ITGB1: variants seen among roughly 807,000 people sequenced by gnomAD.
ITGB1 encodes integrin subunit beta 1, also known as integrin beta-1.
In ITGB1, 24 loss-of-function variants were observed where a neutral mutation model predicts 86.5. That is an observed-to-expected ratio of 0.28 (90% CI 0.20 to 0.39). The LOEUF (loss-of-function observed/expected upper bound fraction) is 0.39, where lower values mean the gene tolerates loss of function less well. ITGB1 is among the 10% of genes least tolerant of loss of function. ITGB1 has a pLI of 1.00. For synonymous variants in ITGB1, 323 were observed against 316.8 expected (o/e 1.02, Z -0.21); for missense variants, 556 against 946.9 (o/e 0.59, Z 5.42).
At chr10:32,954,098 A>G (rs562214524) in intron 1 of ITGB1, among the ~76,000 whole-genome samples, 1 of 152,160 alleles carries the variant, frequency 6.6e-6, no homozygotes, top group Non-Finnish European at 1.5e-5. Flanking sequence ...TTCAACCAGC[A>G]ATAGACTAAG....
Position 32,951,050 on chromosome 10 carries a change from G to A in ITGB1, c.-1+7095C>T, listed in dbSNP as rs186309576. 1.5e-3 allele frequency among the ~76,000 whole-genome samples: 229 copies of A among 152,214 alleles called. 1 individual carries two copies. Among genetic ancestry groups the A allele is most frequent in the Middle Eastern group, 0.01 (3 of 294 alleles). ...CTAAAGATAATACGTTGGGGGTAGG[G>A]GGAGGTAAAGCCTGGAAACTTAACA... On this transcript the variant is annotated intron_variant, in intron 1 of 15. Transcript: ENST00000302278.
At chr10:32,947,432 C>CGTGTGTGTGTGTGTGTGT (rs1186872641) in intron 1 of ITGB1, among the ~76,000 whole-genome samples, 2,169 of 137,330 alleles carry the variant, frequency 0.016, 51 homozygotes, top group South Asian at 0.038. Flanking sequence ...CACATATAGC[C>CGTGTGTGTGTGTGTGTGT]GTGTGTGTGT....
intron 1 of ITGB1, chr10:32,957,820 C>T (rs900803963): frequency 2.0e-5 from 3 of 152,206 alleles, no homozygotes; most frequent in Non-Finnish European, 4.4e-5. Flanking sequence ...CCCGGTCCCC[C>T]GCAGCTCCGG....
chr10:32,910,851 G>A (rs1381754506), intron 13 of ITGB1, among the ~76,000 whole-genome samples: 4 of 151,966 alleles, frequency 2.6e-5, no homozygotes, highest in South Asian at 2.1e-4. Flanking sequence ...GTTCAAGCAA[G>A]CCTCAACCTC....
rs375565127 is a variant in ITGB1 at position 32,920,091 on chromosome 10, G to A, written c.1270-7C>T. On this transcript the variant is annotated splice_region_variant and splice_polypyrimidine_tract_variant and intron_variant, in intron 10 of 15. Coordinates refer to ENST00000302278, the MANE Select transcript of ITGB1 (RefSeq NM_002211.4). The stretch of plus-strand genomic sequence containing the variant: ...TGCTAATTTCAAATTGAACCTTGAA[G>A]GGAAAAAAAAGATTAACAACCAACT... 24 of 1,607,456 alleles carry A rather than the reference G, an allele frequency of 1.5e-5. No individual in the cohort carries two copies. Among genetic ancestry groups the A allele is most frequent in the Admixed American group, 3.4e-5 (2 of 59,118 alleles).
Position 32,945,965 on chromosome 10 carries a change from AATAC to A in ITGB1, c.1-10411_1-10408del, listed in dbSNP as rs575177982. On this transcript the variant is annotated intron_variant, in intron 1 of 15. Transcript: ENST00000302278. ...ACTTTAAGATGACTCTTCTTTTGAA[AATAC>A]ATATGTATTGAGGGTTATAATTTTT... is the stretch of plus-strand genomic sequence containing the variant. 7.0e-4 allele frequency among the ~76,000 whole-genome samples: 107 copies of A among 152,352 alleles called. 1 individual carries two copies. The highest frequency in any genetic ancestry group is 2.5e-3 in the African/African-American group (102 of 41,576).
chr10:32,923,693 T>C lies in ITGB1; in HGVS notation c.834A>G (p.Thr278=). 6.2e-7 allele frequency: 1 copy of C among 1,613,944 alleles called. No homozygotes were observed. The highest frequency in any genetic ancestry group is 1.1e-5 in the South Asian group (1 of 91,042). ...CTCCAGCAAAGTGAAACCCGGCATCTGTGGAAAACACCAGCAGCCGTGTAA... is the reference window on the plus strand; with the variant it reads ...CTCCAGCAAAGTGAAACCCGGCATCCGTGGAAAACACCAGCAGCCGTGTAA... ...RNVTRLLVFS[T]DAGFHFAGDG... Residue 278 remains threonine, a synonymous_variant, in exon 7 of 16, where the codon ACA becomes ACG. Transcript: ENST00000302278.
chr10:32,919,704 A>T (rs1045965154), intron 11 of ITGB1, among the ~76,000 whole-genome samples, 181 bp downstream of exon 11: 4 of 152,152 alleles, frequency 2.6e-5, no homozygotes, highest in Non-Finnish European at 4.4e-5. Context: ...AAAAGGCAGG[A>T]AGGAACTTTC....
rs764506216 is a variant in ITGB1, at chr10:32,908,363, C to A, written c.2331+5G>T. The A allele has an allele frequency of 6.2e-7, 1 of 1,613,830 alleles. No individual in the cohort carries two copies. Among genetic ancestry groups the A allele is most frequent in the Non-Finnish European group, 8.5e-7 (1 of 1,179,766 alleles). ...ACTTTGCTTTTTGGATGTTTTGTAA[C>A]TTACCGTGTCCCATTTGGCATTCAT... On this transcript the variant is annotated splice_donor_5th_base_variant and intron_variant, in intron 15 of 15. Transcript: ENST00000302278.
intron 3 of ITGB1, among the ~76,000 whole-genome samples, chr10:32,932,231 T>G (rs1469247930): frequency 6.6e-6 from 1 of 152,130 alleles, no homozygotes; most frequent in African/African-American, 2.4e-5. Flanking sequence ...ATAACATTAT[T>G]TTTAAATATA....
At chr10:32,944,127 G>A (rs2095025597) in intron 1 of ITGB1, among the ~76,000 whole-genome samples, 1 of 152,206 alleles carries the variant, frequency 6.6e-6, no homozygotes, top group Non-Finnish European at 1.5e-5. Context: ...AGCCAGGAGT[G>A]AGCCACCGAC....
intron 1 of ITGB1, among the ~76,000 whole-genome samples, chr10:32,939,955 T>G (rs1421689842): frequency 6.6e-6 from 1 of 152,220 alleles, no homozygotes. Flanking sequence ...CATGGAGCTG[T>G]CATCTCCTAA....
intron 1 of ITGB1, among the ~76,000 whole-genome samples, chr10:32,940,409 T>A (rs761913938): frequency 6.6e-6 from 1 of 152,172 alleles, no homozygotes; most frequent in Non-Finnish European, 1.5e-5. Context: ...TAGTTGTTTA[T>A]TATCAAGTAT....
intron 2 of ITGB1, 149 bp from the exon 3 acceptor site, chr10:32,932,749 G>T (rs1366243224): frequency 1.8e-6 from 1 of 553,526 alleles, no homozygotes; most frequent in South Asian, 2.1e-5. Context: ...TCCCCAAAGA[G>T]AGCAGGATTT....
intron 11 of ITGB1, among the ~76,000 whole-genome samples, chr10:32,912,408 C>T (rs1243933756): frequency 6.6e-6 from 1 of 152,226 alleles, no homozygotes; most frequent in African/African-American, 2.4e-5. Flanking sequence ...GAAGCTGTGA[C>T]AGACGGTACC....
chr10:32,926,735 T>C (rs1282169885), intron 5 of ITGB1, among the ~76,000 whole-genome samples: 2 of 150,672 alleles, frequency 1.3e-5, no homozygotes, highest in African/African-American at 2.5e-5. Flanking sequence ...TATGTCTTTA[T>C]AGCAACGTAA....
At chr10:32,923,765 T>A in intron 6 of ITGB1, 25 bp from the exon 7 acceptor site, 1 of 1,597,306 alleles carries the variant, frequency 6.3e-7, no homozygotes, top group Non-Finnish European at 8.5e-7. Context: ...GATTTCAATT[T>A]TAAAACACTA....
In ITGB1 at chr10:32,920,313, A is replaced by G; in HGVS notation, c.1201T>C (p.Cys401Arg). ...EGVTISYKSY[C>R]KNGVNGTGEN... ...CCTGTTCCATTCACCCCGTTCTTGC[A>G]GTAAGATTTGTAACTTATTGTTACG... is the stretch of plus-strand genomic sequence containing the variant. Residue 401 changes from cysteine to arginine, a missense_variant, in exon 10 of 16, where the codon TGC becomes CGC. Transcript: ENST00000302278. 6.2e-7 allele frequency: 1 copy of G among 1,613,452 alleles called. No individual in the cohort carries two copies. The highest frequency in any genetic ancestry group is 1.1e-5 in the South Asian group (1 of 91,066).
At position 32,926,004 on chromosome 10, in the gene ITGB1, C is replaced by G; in HGVS notation, c.653G>C (p.Ser218Thr). Reference sequence around the variant, plus strand: ...AGTAAGACTGAGCACATTTTTGTAGCTAAATGGGCTGGTGCAGTTCTGTTC... The same window carrying G: ...AGTAAGACTGAGCACATTTTTGTAGGTAAATGGGCTGGTGCAGTTCTGTTC... The part of the protein sequence containing the change: ...TSEQNCTSPF[S>T]YKNVLSLTNK... The change falls in exon 6 of 16, where the codon AGC becomes ACC. Residue 218 changes from serine to threonine, a missense_variant. By Grantham distance (58) the Ser-to-Thr change is moderately conservative. Coordinates refer to ENST00000302278, the MANE Select transcript of ITGB1 (RefSeq NM_002211.4). 6.2e-7 allele frequency: 1 copy of G among 1,613,920 alleles called. No homozygotes were observed. Among genetic ancestry groups the G allele is most frequent in the Non-Finnish European group, 8.5e-7 (1 of 1,179,826 alleles).
Sources: gnomAD v4.1 joint callset for allele counts (sites outside exome capture counted in the v4.1 genomes callset) on GRCh38, gnomAD v4.1.1 for gene constraint, MANE v1.5 for transcripts, NCBI Gene and HGNC (gene_info 2026-07-23, HGNC 2026-07-21) for gene names.